Variants in PDE4B observed in about 807,000 individuals in gnomAD.
PDE4B encodes 3',5'-cyclic-AMP phosphodiesterase 4B.
Under a neutral mutation model 82.2 loss-of-function variants are expected in PDE4B, and 20 were observed. That is an observed-to-expected ratio of 0.24 (90% confidence interval 0.17 to 0.35). The LOEUF is 0.35. Ranked by LOEUF, PDE4B falls within the 10% of genes least tolerant of loss-of-function variation. The pLI is 1.00. For missense variants in PDE4B, 655 were observed against 907.2 expected (o/e 0.72, Z 3.57); for synonymous variants, 320 against 318.9 (o/e 1.00, Z -0.04).
At chr1:65,906,441 C>G (rs1340392647) in intron 1 of PDE4B, among the ~76,000 whole-genome samples, 1 of 151,830 alleles carries the variant, frequency 6.6e-6, no homozygotes. Context: ...TAAGATGAAA[C>G]AAAAAATGGC....
chr1:66,125,165 CTTTTT>C (rs60294490), intron 3 of PDE4B, among the ~76,000 whole-genome samples: 1 of 103,512 alleles, frequency 9.7e-6, no homozygotes. Flanking sequence ...CATACTATTC[CTTTTT>C]TTTTTTTTTT....
intron 3 of PDE4B, among the ~76,000 whole-genome samples, chr1:66,038,976 C>G (rs1486803796): frequency 6.6e-6 from 1 of 151,944 alleles, no homozygotes; most frequent in Non-Finnish European, 1.5e-5. Flanking sequence ...AAAATTTTCC[C>G]TATACTCTCA....
intron 3 of PDE4B, among the ~76,000 whole-genome samples, chr1:65,947,290 G>A (rs1180006963): frequency 6.6e-6 from 1 of 152,036 alleles, no homozygotes; most frequent in Non-Finnish European, 1.5e-5. Context: ...GAAAACATTT[G>A]CCAGTTCAGT....
chr1:66,327,656 C>T (rs960995616), intron 7 of PDE4B, among the ~76,000 whole-genome samples: 5 of 152,102 alleles, frequency 3.3e-5, no homozygotes, highest in East Asian at 1.9e-4. Context: ...ATTTAGTCTT[C>T]GAGAACATAG....
At chr1:66,322,881 C>T (rs1659506884) in intron 7 of PDE4B, among the ~76,000 whole-genome samples, 1 of 152,032 alleles carries the variant, frequency 6.6e-6, no homozygotes, top group Non-Finnish European at 1.5e-5. Context: ...TATGCTTACC[C>T]CCATTTTAGA....
chr1:66,264,535 A>C (rs1654898230), intron 6 of PDE4B, among the ~76,000 whole-genome samples: 1 of 152,228 alleles, frequency 6.6e-6, no homozygotes, highest in Non-Finnish European at 1.5e-5. Flanking sequence ...AGAGAAAAGC[A>C]ATCACTATAT....
chr1:66,323,217 C>T (rs558923204), intron 7 of PDE4B, among the ~76,000 whole-genome samples: 1 of 152,200 alleles, frequency 6.6e-6, no homozygotes, highest in African/African-American at 2.4e-5. Context: ...ATCAGTCTTT[C>T]CCTGTCTGCG....
At chr1:66,243,411 T>C (rs950027603) in intron 3 of PDE4B, among the ~76,000 whole-genome samples, 1 of 152,154 alleles carries the variant, frequency 6.6e-6, no homozygotes, top group African/African-American at 2.4e-5. Flanking sequence ...TGAGTAATAC[T>C]TAGTAATACT....
intron 3 of PDE4B, among the ~76,000 whole-genome samples, chr1:65,994,235 A>C (rs961293897): frequency 6.6e-6 from 1 of 152,188 alleles, no homozygotes; most frequent in African/African-American, 2.4e-5. Flanking sequence ...TTGTCTGCTT[A>C]ATCTACTGTA....
At chr1:65,807,006 T>C (rs745944690) in intron 1 of PDE4B, among the ~76,000 whole-genome samples, 4 of 152,238 alleles carry the variant, frequency 2.6e-5, no homozygotes, top group Non-Finnish European at 5.9e-5. Flanking sequence ...TAGTTACTCT[T>C]CTACTGTGTA....
chr1:66,228,705 T>C (rs1651679312), intron 3 of PDE4B, among the ~76,000 whole-genome samples: 1 of 151,840 alleles, frequency 6.6e-6, no homozygotes, highest in African/African-American at 2.4e-5. Flanking sequence ...CAAGGGTAGA[T>C]AGTCTAAGGC....
At chr1:66,311,489 G>A (rs921625997) in intron 7 of PDE4B, among the ~76,000 whole-genome samples, 4 of 152,264 alleles carry the variant, frequency 2.6e-5, no homozygotes, top group Admixed American at 6.5e-5. Context: ...GGTGCTGTGA[G>A]GAGGCCTTTG....
intron 7 of PDE4B, among the ~76,000 whole-genome samples, chr1:66,289,017 T>C (rs576750326): frequency 2.6e-5 from 4 of 152,224 alleles, no homozygotes; most frequent in Non-Finnish European, 5.9e-5. Context: ...ATGTAGATTC[T>C]ACTATGTGCC....
intron 7 of PDE4B, among the ~76,000 whole-genome samples, chr1:66,300,242 G>A (rs1657791490): frequency 6.6e-6 from 1 of 152,130 alleles, no homozygotes; most frequent in South Asian, 2.1e-4. Context: ...AAGACTTCCT[G>A]AGATACTGAT....
intron 7 of PDE4B, among the ~76,000 whole-genome samples, chr1:66,276,729 T>C (rs1655906102): frequency 6.6e-6 from 1 of 152,206 alleles, no homozygotes; most frequent in Admixed American, 6.5e-5. Context: ...GAAGAGAATG[T>C]ATTCAGACCC....
At chr1:65,804,761 G>A (rs1188776979) in intron 1 of PDE4B, among the ~76,000 whole-genome samples, 1 of 152,114 alleles carries the variant, frequency 6.6e-6, no homozygotes, top group Non-Finnish European at 1.5e-5. Context: ...TATTCCAGGT[G>A]GGCTGGGAGG....
At chr1:66,178,708 A>G (rs1002113197) in intron 3 of PDE4B, among the ~76,000 whole-genome samples, 1 of 152,206 alleles carries the variant, frequency 6.6e-6, no homozygotes, top group Non-Finnish European at 1.5e-5. Context: ...AGGACTATAT[A>G]AGATATGCTG....
At chr1:65,874,167 C>G (rs1646609451) in intron 1 of PDE4B, among the ~76,000 whole-genome samples, 1 of 151,646 alleles carries the variant, frequency 6.6e-6, no homozygotes, top group South Asian at 2.1e-4. Context: ...GTATTTTATT[C>G]TCTTTGAAGC....
chr1:65,792,808 G>T (rs529594234), upstream of PDE4B, among the ~76,000 whole-genome samples: 1 of 152,088 alleles, frequency 6.6e-6, no homozygotes, highest in African/African-American at 2.4e-5. Context: ...GCTGAGGAGC[G>T]CAGCGCGGCA....
Sources: gnomAD v4.1 joint callset for allele counts (sites outside exome capture counted in the v4.1 genomes callset) on GRCh38, gnomAD v4.1.1 for gene constraint, MANE v1.5 for transcripts, NCBI Gene and HGNC (gene_info 2026-07-23, HGNC 2026-07-21) for gene names.